SLC1A1: variants seen among roughly 807,000 people sequenced by gnomAD.
The protein encoded by SLC1A1 is excitatory amino acid transporter 3.
SLC1A1 carries 43 observed loss-of-function variants against 53.3 expected under a neutral mutation model. The observed-to-expected ratio is 0.81, with a 90% CI of 0.63 to 1.04. The LOEUF is 1.04. Ranked by LOEUF, SLC1A1 falls within the 50% of genes least tolerant of loss-of-function variation. The pLI, the probability that SLC1A1 is intolerant of heterozygous loss-of-function variation, is 0.00. For synonymous variants in SLC1A1, 307 were observed against 243.2 expected (o/e 1.26, Z -2.44); for missense variants, 748 against 664.9 (o/e 1.12, Z -1.37).
At chr9:4,508,820 G>A (rs138262561) in intron 1 of SLC1A1, among the ~76,000 whole-genome samples, 1 of 152,168 alleles carries the variant, frequency 6.6e-6, no homozygotes, top group South Asian at 2.1e-4. Flanking sequence ...TGCAGTCCTG[G>A]TTCGGCTCAA....
At chr9:4,517,821 C>G (rs923506647) in intron 1 of SLC1A1, among the ~76,000 whole-genome samples, 3 of 152,186 alleles carry the variant, frequency 2.0e-5, no homozygotes, top group East Asian at 1.9e-4. Flanking sequence ...AAGACCACCA[C>G]AGACCCATGG....
At position 4,585,468 on chromosome 9, in the gene SLC1A1, A is replaced by C. The variant is rs745838084; in HGVS notation, c.1485A>C (p.Glu495Asp). ...FALESTILDN[E>D]DSDTKKSYVN... ...TGGAATCCACAATCCTTGACAACGA[A>C]GACTCAGACACCAAGAAGTCTTATG... Residue 495 changes from glutamate (E) to aspartate (D), a missense_variant, in exon 12 of 12, where the codon GAA becomes GAC. Transcript: ENST00000262352. 77 of 1,614,084 alleles carry C rather than the reference A, an allele frequency of 4.8e-5. No homozygotes were observed. Among genetic ancestry groups the C allele is most frequent in the Non-Finnish European group, 6.3e-5 (74 of 1,180,050 alleles).
In SLC1A1 at chr9:4,549,332, C is replaced by T. The variant is rs562759400; in HGVS notation, c.232+4625C>T. ...ACTACCCCGGTGACCTAAGGAGTTC[C>T]GCTCTTTGCTCCTCCATCCTAAGAC... On this transcript the variant is annotated intron_variant, in intron 2 of 11. Transcript: ENST00000262352. The surrounding 1 kb of genome is among the most constrained non-coding windows in gnomAD (Gnocchi z 4.1). Among the ~76,000 whole-genome samples, 5 of 152,294 alleles carry T rather than the reference C, an allele frequency of 3.3e-5. No individual in the cohort carries two copies. Among genetic ancestry groups the T allele is most frequent in the South Asian group, 2.1e-4 (1 of 4,822 alleles).
At chr9:4,559,584 A>G (rs1818737338) in intron 2 of SLC1A1, among the ~76,000 whole-genome samples, 1 of 152,200 alleles carries the variant, frequency 6.6e-6, no homozygotes, top group South Asian at 2.1e-4. Context: ...TGGGAAATGA[A>G]CATAAAAGTT....
chr9:4,576,098 C>T lies in SLC1A1; in HGVS notation c.973C>T (p.Leu325=). The change falls in exon 9 of 12, where the codon CTG becomes TTG. Residue 325 remains leucine, a synonymous_variant. Transcript: ENST00000262352. ...RFAMGMAQAL[L]TALMISSSSA... is the part of the protein sequence containing the mutation. ...TGCCATGGGAATGGCCCAGGCTCTCCTGACAGCTCTCATGATCTCTTCCAG... is the reference window on the plus strand; with the variant it reads ...TGCCATGGGAATGGCCCAGGCTCTCTTGACAGCTCTCATGATCTCTTCCAG... 1 of 1,613,948 alleles carries T rather than the reference C, an allele frequency of 6.2e-7. No homozygotes were observed.
intron 1 of SLC1A1, among the ~76,000 whole-genome samples, chr9:4,541,603 C>G (rs1817015731): frequency 6.6e-6 from 1 of 152,264 alleles, no homozygotes; most frequent in Middle Eastern, 3.4e-3. Flanking sequence ...TAACACTTTA[C>G]CAAACAATGT....
intron 1 of SLC1A1, among the ~76,000 whole-genome samples, chr9:4,522,836 C>T (rs980904963): frequency 1.3e-5 from 2 of 152,196 alleles, no homozygotes; most frequent in African/African-American, 4.8e-5. Context: ...CAATCACCTT[C>T]CACCAGGTCA....
intron 5 of SLC1A1, among the ~76,000 whole-genome samples, 159 bp downstream of exon 5, chr9:4,566,248 T>A (rs1211261511): frequency 6.6e-6 from 1 of 152,222 alleles, no homozygotes; most frequent in Non-Finnish European, 1.5e-5. Flanking sequence ...TGTCTCTGTT[T>A]TGTATGCAGC....
chr9:4,531,106 C>T (rs369764460), intron 1 of SLC1A1, among the ~76,000 whole-genome samples: 1 of 152,110 alleles, frequency 6.6e-6, no homozygotes, highest in African/African-American at 2.4e-5. Context: ...AGGAAGAGCT[C>T]CAGTCTACAG....
chr9:4,501,889 T>C (rs959150196), intron 1 of SLC1A1, among the ~76,000 whole-genome samples: 2 of 151,780 alleles, frequency 1.3e-5, no homozygotes, highest in Non-Finnish European at 2.9e-5. Context: ...GTTCTATTGC[T>C]TAAGAGTTAC....
rs1821528453 is a variant in SLC1A1, at chr9:4,585,758, G to A, written c.*200G>A. On this transcript the variant is annotated 3_prime_UTR_variant, in exon 12 of 12. Transcript: ENST00000262352. ...GATTTGGGTGTGGGGTAAGTTGAAG[G>A]GAAATCAATTTAAAGGAAAGTTCTA... 1 of 625,312 alleles carries A rather than the reference G, an allele frequency of 1.6e-6. No individual in the cohort carries two copies. The highest frequency in any genetic ancestry group is 2.7e-6 in the Non-Finnish European group (1 of 363,708). The allele number at this position is 625,312 out of a possible 1,614,324, so 38.7% of individuals were successfully genotyped here. A position where few individuals can be genotyped will look rare whatever the true frequency, so the allele number is the denominator to read the frequency against.
At chr9:4,495,802 T>C (rs1158432857) in intron 1 of SLC1A1, among the ~76,000 whole-genome samples, 1 of 152,068 alleles carries the variant, frequency 6.6e-6, no homozygotes, top group Admixed American at 6.6e-5. Flanking sequence ...GACAGCTGCT[T>C]GAGGTTAACC....
intron 4 of SLC1A1, 45 bp downstream of exon 4, chr9:4,564,503 A>G: frequency 9.3e-7 from 1 of 1,078,770 alleles, no homozygotes; most frequent in South Asian, 1.3e-5. Context: ...TGCGGATAGC[A>G]GCACAAGGCC....
chr9:4,576,937 G>A lies in SLC1A1; in HGVS notation c.1193+174G>A, dbSNP rs545612752. Among the ~76,000 whole-genome samples the A allele has an allele frequency of 6.6e-5, 10 of 152,254 alleles. No homozygotes were observed. In the South Asian group the frequency reaches 1.5e-3, roughly 22 times the overall value. ...TCCTGGTATGCAAGATTTCTGCTTC[G>A]GGGTCTGGGTAGCCAAAGCCATCAC... On this transcript the variant is annotated intron_variant, in intron 10 of 11. Coordinates refer to ENST00000262352, the MANE Select transcript of SLC1A1 (RefSeq NM_004170.6).
chr9:4,570,372 C>T (rs1479968604), intron 6 of SLC1A1, among the ~76,000 whole-genome samples: 2 of 151,812 alleles, frequency 1.3e-5, no homozygotes, highest in African/African-American at 4.8e-5. Context: ...GGGTCCTCAA[C>T]ATAATTTTTT....
At chr9:4,579,248 C>T (rs1820841664) in intron 10 of SLC1A1, among the ~76,000 whole-genome samples, 1 of 152,176 alleles carries the variant, frequency 6.6e-6, no homozygotes, top group African/African-American at 2.4e-5. Flanking sequence ...AAAATTGAAA[C>T]CTTGAATCAT....
intron 7 of SLC1A1, 69 bp downstream of exon 7, chr9:4,572,457 G>C (rs371359006): frequency 1.7e-5 from 23 of 1,369,430 alleles, no homozygotes; most frequent in African/African-American, 1.4e-4. Flanking sequence ...TTAGAAAGAA[G>C]AGGTTTTATG....
chr9:4,531,263 C>A (rs1257222240), intron 1 of SLC1A1, among the ~76,000 whole-genome samples: 1 of 152,212 alleles, frequency 6.6e-6, no homozygotes, highest in Non-Finnish European at 1.5e-5. Context: ...CGAGGCATCG[C>A]CTCACCCGGG....
Position 4,490,596 on chromosome 9 carries a change from C to G in SLC1A1, c.-84C>G, listed in dbSNP as rs1820194180. On this transcript the variant is annotated 5_prime_UTR_variant, in exon 1 of 12. Transcript: ENST00000262352. ...TCTCCCCTGTGCACCCGCATCTCGC[C>G]GCGCCGCCGAGCAGCCAGCAGTCCC... 9.7e-6 allele frequency: 11 copies of G among 1,134,946 alleles called. No individual in the cohort carries two copies. The East Asian group carries it at 2.5e-4, about 26-fold the overall frequency. 70.3% of individuals were successfully genotyped at this position (1,134,946 alleles called of 1,614,324 possible). A position where few individuals can be genotyped will look rare whatever the true frequency, so the allele number is the denominator to read the frequency against.
Sources: allele counts gnomAD v4.1 joint callset (sites outside exome capture counted in the v4.1 genomes callset), GRCh38; gene constraint gnomAD v4.1.1; non-coding constraint Gnocchi (gnomAD v3.1); transcripts MANE v1.5; gene names NCBI Gene and HGNC (gene_info 2026-07-23, HGNC 2026-07-21).